The following SLC71A2 variants were observed in gnomAD, a reference collection of about 807,000 sequenced individuals.
SLC71A2 encodes the protein hippocampus abundant transcript-like 1.
At chr9:94,379,341 C>A in the SLC71A2 span, among the ~76,000 whole-genome samples, 1 of 147,548 alleles carries the variant, frequency 6.8e-6, no homozygotes, top group Admixed American at 6.7e-5. Flanking sequence ...CTGCCTTGGC[C>A]TCCCAAAGTG....
the SLC71A2 span, among the ~76,000 whole-genome samples, chr9:94,453,335 C>T: frequency 1.3e-5 from 2 of 151,398 alleles, no homozygotes; most frequent in Non-Finnish European, 2.9e-5. Flanking sequence ...TTTTTAGTAG[C>T]GACAGGGTTT....
the SLC71A2 span, chr9:94,445,044 CGTT>C: frequency 6.2e-7 from 1 of 1,614,166 alleles, no homozygotes. Context: ...GAGACAGCCT[CGTT>C]GTGCTGGTGG....
At chr9:94,442,571 C>G in the SLC71A2 span, among the ~76,000 whole-genome samples, 1 of 152,114 alleles carries the variant, frequency 6.6e-6, no homozygotes, top group Non-Finnish European at 1.5e-5. Context: ...CAAAAATAGG[C>G]CGGGTGCGGT....
chr9:94,419,464 TTTTTG>T, the SLC71A2 span, among the ~76,000 whole-genome samples: 2 of 151,844 alleles, frequency 1.3e-5, no homozygotes, highest in Non-Finnish European at 2.9e-5. Flanking sequence ...TGGCTCTTTT[TTTTTG>T]TTTTGTTTTG....
At chr9:94,397,729 G>C in the SLC71A2 span, among the ~76,000 whole-genome samples, 1 of 152,160 alleles carries the variant, frequency 6.6e-6, no homozygotes, top group Middle Eastern at 3.2e-3. Context: ...GTGTTTTGTA[G>C]AATGTCTCTC....
chr9:94,377,828 C>T, the SLC71A2 span, among the ~76,000 whole-genome samples: 4 of 151,992 alleles, frequency 2.6e-5, no homozygotes, highest in Admixed American at 6.6e-5. Context: ...GGTGTGTCGC[C>T]GGGCACGGTG....
the SLC71A2 span, among the ~76,000 whole-genome samples, chr9:94,413,659 CAAAAAA>C: frequency 9.8e-6 from 1 of 101,984 alleles, no homozygotes; most frequent in Non-Finnish European, 1.9e-5. Context: ...GACTTCATCT[CAAAAAA>C]AAAAAAAAAA....
At chr9:94,439,322 T>C in the SLC71A2 span, among the ~76,000 whole-genome samples, 1 of 146,310 alleles carries the variant, frequency 6.8e-6, no homozygotes, top group Non-Finnish European at 1.5e-5. Flanking sequence ...TTTTTTTTTT[T>C]TTCTTTGTAT....
At chr9:94,447,835 T>A in the SLC71A2 span, among the ~76,000 whole-genome samples, 5 of 152,176 alleles carry the variant, frequency 3.3e-5, no homozygotes, top group African/African-American at 9.7e-5. Context: ...TGTTTATCTC[T>A]CCCTCCACCA....
the SLC71A2 span, among the ~76,000 whole-genome samples, chr9:94,444,351 C>T: frequency 6.6e-6 from 1 of 152,210 alleles, no homozygotes; most frequent in Non-Finnish European, 1.5e-5. Flanking sequence ...CAGAAATCTA[C>T]AGCTGTCTAG....
At chr9:94,423,902 G>C in the SLC71A2 span, among the ~76,000 whole-genome samples, 1 of 151,606 alleles carries the variant, frequency 6.6e-6, no homozygotes, top group East Asian at 1.9e-4. Context: ...ATTTATTTTT[G>C]CTTATGGTTA....
the SLC71A2 span, among the ~76,000 whole-genome samples, chr9:94,378,178 T>C: frequency 6.7e-6 from 1 of 150,308 alleles, no homozygotes; most frequent in Non-Finnish European, 1.5e-5. Flanking sequence ...TGTAAAGGAA[T>C]ACCTGAGAAT....
the SLC71A2 span, chr9:94,415,394 T>G: frequency 1.2e-5 from 8 of 668,584 alleles, no homozygotes; most frequent in Admixed American, 2.2e-4. Flanking sequence ...TGTTTTTTTT[T>G]TTTCCATTGT....
chr9:94,394,091 A>C, the SLC71A2 span, among the ~76,000 whole-genome samples: 1 of 147,208 alleles, frequency 6.8e-6, no homozygotes, highest in Non-Finnish European at 1.5e-5. Flanking sequence ...TTACAAAAAC[A>C]GTTCTTGGCC....
the SLC71A2 span, among the ~76,000 whole-genome samples, chr9:94,448,278 A>C: frequency 6.6e-6 from 1 of 152,126 alleles, no homozygotes; most frequent in Non-Finnish European, 1.5e-5. Flanking sequence ...TTCCCTCTCT[A>C]GAGTATTTTA....
At chr9:94,453,923 T>C in the SLC71A2 span, 1 of 1,337,626 alleles carries the variant, frequency 7.5e-7, no homozygotes, top group Non-Finnish European at 1.1e-6. Flanking sequence ...TGTGTGTTGA[T>C]GTGGTTTTTC....
chr9:94,379,347 A>G, the SLC71A2 span, among the ~76,000 whole-genome samples: 1 of 145,712 alleles, frequency 6.9e-6, no homozygotes, highest in Non-Finnish European at 1.5e-5. Flanking sequence ...TGGCCTCCCA[A>G]AGTGCTGGAA....
the SLC71A2 span, among the ~76,000 whole-genome samples, chr9:94,416,827 T>C: frequency 0.51 from 77,476 of 150,526 alleles, 20,177 homozygotes; most frequent in Admixed American, 0.61. Flanking sequence ...GCATTCCAGC[T>C]TGGACAACAA....
chr9:94,441,974 T>C, the SLC71A2 span, among the ~76,000 whole-genome samples: 6 of 152,228 alleles, frequency 3.9e-5, no homozygotes, highest in African/African-American at 1.4e-4. Flanking sequence ...GGGGAAAAGA[T>C]AGCATAGCAT....
Sources: allele counts gnomAD v4.1 joint callset (sites outside exome capture counted in the v4.1 genomes callset), GRCh38; gene constraint gnomAD v4.1.1; transcripts MANE v1.5; gene names NCBI Gene and HGNC (gene_info 2026-07-23, HGNC 2026-07-21).